EGFR: variants seen among roughly 807,000 people sequenced by gnomAD.
EGFR encodes the protein epidermal growth factor receptor.
A neutral mutation model predicts 143.0 loss-of-function variants in EGFR; 58 were observed. That is an observed-to-expected ratio of 0.41 (90% CI 0.33 to 0.50). EGFR has a LOEUF of 0.50. EGFR is among the 20% of genes least tolerant of loss of function. The pLI, the probability that EGFR is intolerant of heterozygous loss-of-function variation, is 0.39. For missense variants in EGFR, 1,307 were observed against 1,579.0 expected (o/e 0.83, Z 2.92); for synonymous variants, 613 against 594.4 (o/e 1.03, Z -0.45).
intron 1 of EGFR, among the ~76,000 whole-genome samples, chr7:55,123,029 G>A (rs1457109487): frequency 2.6e-5 from 4 of 152,254 alleles, no homozygotes; most frequent in South Asian, 4.1e-4. Flanking sequence ...TCACATGGTG[G>A]GATATTTTAG....
intron 22 of EGFR, among the ~76,000 whole-genome samples, chr7:55,197,966 T>C (rs961194343): frequency 1.3e-4 from 20 of 152,350 alleles, no homozygotes; most frequent in African/African-American, 4.8e-4. Flanking sequence ...TTTTCTTTTT[T>C]TGTTGTATCT....
chr7:55,100,151 C>A (rs546284292), intron 1 of EGFR, among the ~76,000 whole-genome samples: 1 of 152,210 alleles, frequency 6.6e-6, no homozygotes, highest in Non-Finnish European at 1.5e-5. Context: ...CCTTTCAGCA[C>A]GCATCCTTTC....
At chr7:55,121,912 G>A (rs1793230649) in intron 1 of EGFR, among the ~76,000 whole-genome samples, 1 of 152,212 alleles carries the variant, frequency 6.6e-6, no homozygotes, top group South Asian at 2.1e-4. Flanking sequence ...TTCAAAGGCA[G>A]TTCCCTGCTG....
chr7:55,202,186 T>C (rs1430497429), intron 26 of EGFR, among the ~76,000 whole-genome samples: 1 of 152,202 alleles, frequency 6.6e-6, no homozygotes, highest in African/African-American at 2.4e-5. Flanking sequence ...TGTTAATGAG[T>C]TAAAATGAAA....
intron 12 of EGFR, 31 bp from the exon 13 acceptor site, chr7:55,161,468 C>A: frequency 6.2e-7 from 1 of 1,608,630 alleles, no homozygotes; most frequent in Non-Finnish European, 8.5e-7. Flanking sequence ...TGCTCTGTCA[C>A]TGACTGCTGT....
chr7:55,103,113 C>A (rs553101649), intron 1 of EGFR, among the ~76,000 whole-genome samples: 27 of 152,320 alleles, frequency 1.8e-4, no homozygotes, highest in African/African-American at 6.3e-4. Flanking sequence ...CATCAGAACT[C>A]TTAGTGCAGT....
rs148031655 is a variant in EGFR, at chr7:55,193,516, T to C, written c.2701+675T>C. Among the ~76,000 whole-genome samples, 114 of 152,242 alleles carry C rather than the reference T, an allele frequency of 7.5e-4. 1 individual carries two copies. Among genetic ancestry groups the C allele is most frequent in the African/African-American group, 2.6e-3 (109 of 41,544 alleles). ...ACAGGGGCCTCCCATGTTGAGAAAGTGTTGCTGACACATTGTCTCTGACCG... is the reference window on the plus strand; with the variant it reads ...ACAGGGGCCTCCCATGTTGAGAAAGCGTTGCTGACACATTGTCTCTGACCG... On this transcript the variant is annotated intron_variant, in intron 22 of 27. Transcript: ENST00000275493.
chr7:55,026,349 A>G (rs1169315607), intron 1 of EGFR, among the ~76,000 whole-genome samples: 9 of 152,186 alleles, frequency 5.9e-5, no homozygotes, highest in Admixed American at 2.0e-4. Context: ...TCCTGCAGTG[A>G]GGAAATAGCC....
At chr7:55,061,134 C>T (rs1789141600) in intron 1 of EGFR, among the ~76,000 whole-genome samples, 1 of 152,208 alleles carries the variant, frequency 6.6e-6, no homozygotes, top group Non-Finnish European at 1.5e-5. Context: ...GTGGGAACTA[C>T]TTAAGGGGAA....
intron 8 of EGFR, 100 bp from the exon 9 acceptor site, chr7:55,156,433 G>T (rs1785422518): frequency 6.5e-7 from 1 of 1,547,560 alleles, no homozygotes; most frequent in South Asian, 1.1e-5. Flanking sequence ...TGGCGGTTCC[G>T]GTGACCGGAA....
intron 1 of EGFR, among the ~76,000 whole-genome samples, chr7:55,101,935 C>T (rs936237571): frequency 6.6e-6 from 1 of 152,170 alleles, no homozygotes; most frequent in African/African-American, 2.4e-5. Flanking sequence ...CCTTGGATCA[C>T]GTGGTGAGGG....
intron 1 of EGFR, among the ~76,000 whole-genome samples, chr7:55,033,794 C>G (rs1203314722): frequency 6.6e-6 from 1 of 152,222 alleles, no homozygotes; most frequent in Non-Finnish European, 1.5e-5. Flanking sequence ...TGACATCCCA[C>G]CAACCCTCAC....
chr7:55,137,589 G>A (rs933738588), intron 1 of EGFR, among the ~76,000 whole-genome samples: 4 of 152,096 alleles, frequency 2.6e-5, no homozygotes, highest in Admixed American at 1.3e-4. Context: ...CGAGACCACC[G>A]GCCCGCCCTA....
intron 1 of EGFR, among the ~76,000 whole-genome samples, chr7:55,080,440 G>A (rs1337003372): frequency 1.3e-5 from 2 of 151,860 alleles, no homozygotes; most frequent in Admixed American, 6.6e-5. Context: ...AATAAGCCAG[G>A]CACCAAAAGA....
chr7:55,069,462 C>CTT (rs1202459517), intron 1 of EGFR, among the ~76,000 whole-genome samples: 6 of 152,232 alleles, frequency 3.9e-5, no homozygotes, highest in African/African-American at 1.2e-4. Context: ...TGTTCTACTG[C>CTT]ATCCCAGCTC....
intron 19 of EGFR, 154 bp from the exon 20 acceptor site, chr7:55,181,139 G>T: frequency 1.0e-6 from 1 of 953,650 alleles, no homozygotes; most frequent in Admixed American, 1.8e-5. Flanking sequence ...AAACGTCCCT[G>T]TGCTAGGTCT....
chr7:55,197,059 G>C (rs1787650368), intron 22 of EGFR, among the ~76,000 whole-genome samples: 1 of 152,244 alleles, frequency 6.6e-6, no homozygotes, highest in African/African-American at 2.4e-5. Context: ...CTCATTGGTA[G>C]TGTGATAGGA....
chr7:55,115,872 G>T (rs1479489522), intron 1 of EGFR, among the ~76,000 whole-genome samples: 1 of 152,192 alleles, frequency 6.6e-6, no homozygotes, highest in African/African-American at 2.4e-5. Context: ...GGACAACATG[G>T]TTTGCCATAA....
At chr7:55,170,462 T>C (rs772139095) in intron 15 of EGFR, 6 of 1,614,118 alleles carry the variant, frequency 3.7e-6, no homozygotes, top group Non-Finnish European at 4.2e-6. Flanking sequence ...CCGTCAGAGT[T>C]TCAGCTGGGT....
Sources: gnomAD v4.1 joint callset for allele counts (sites outside exome capture counted in the v4.1 genomes callset) on GRCh38, gnomAD v4.1.1 for gene constraint, MANE v1.5 for transcripts, NCBI Gene and HGNC (gene_info 2026-07-23, HGNC 2026-07-21) for gene names.